PRKCB: variants seen among roughly 807,000 people sequenced by gnomAD.
PRKCB encodes protein kinase C beta, also known as protein kinase C beta type.
Under a neutral mutation model 81.5 loss-of-function variants are expected in PRKCB, and 13 were observed. That is an observed-to-expected ratio of 0.16 (90% CI 0.10 to 0.25). The LOEUF is 0.25. Among genes scored for constraint, PRKCB ranks in the 10% least tolerant of loss-of-function variants. PRKCB has a pLI of 1.00. For missense variants in PRKCB, 509 were observed against 875.7 expected, an observed-to-expected ratio of 0.58 and a Z score of 5.29; for synonymous variants, 335 against 321.4, an observed-to-expected ratio of 1.04 and a Z score of -0.45.
rs55986931 is a variant in PRKCB at position 23,950,132 on chromosome 16, A to AGTTTTTGT, written c.206-38376_206-38375insGTTTTTGT. On this transcript the variant is annotated intron_variant, in intron 2 of 16. Coordinates refer to ENST00000643927, the MANE Select transcript of PRKCB (RefSeq NM_002738.7). ...AGCAGCATTGGCCCCTATGATTTGAATTTTTTTTTTTTTTTTTTTTTTTTT... is the reference window on the plus strand; with the variant it reads ...AGCAGCATTGGCCCCTATGATTTGAAGTTTTTGTTTTTTTTTTTTTTTTTTTTTTTTTT... Among the ~76,000 whole-genome samples, 3 of 97,760 alleles carry AGTTTTTGT rather than the reference A, an allele frequency of 3.1e-5. 1 individual carries two copies. The highest frequency in any genetic ancestry group is 3.4e-4 in the South Asian group (1 of 2,930). The allele number at this position is 97,760 out of a possible 152,430, so 64.1% of individuals were successfully genotyped here.
At chr16:24,031,835 T>A (rs1431248374) in intron 3 of PRKCB, 3 of 256,970 alleles carry the variant, frequency 1.2e-5, no homozygotes, top group Non-Finnish European at 2.2e-5. Context: ...GAGTCCCTAC[T>A]ACAGGCAGGA....
intron 2 of PRKCB, among the ~76,000 whole-genome samples, chr16:23,905,370 A>C (rs1285400013): frequency 1.3e-5 from 2 of 152,194 alleles, no homozygotes; most frequent in Non-Finnish European, 2.9e-5. Flanking sequence ...TGAAGAGGAT[A>C]TCTCTCTCCT....
At chr16:24,149,326 TC>T (rs1222173398) in intron 9 of PRKCB, among the ~76,000 whole-genome samples, 1 of 152,204 alleles carries the variant, frequency 6.6e-6, no homozygotes. Context: ...AAGTATCACT[TC>T]CTTCGTGCTA....
At chr16:24,007,600 G>A (rs1365002641) in intron 3 of PRKCB, among the ~76,000 whole-genome samples, 1 of 152,208 alleles carries the variant, frequency 6.6e-6, no homozygotes, top group East Asian at 1.9e-4. Flanking sequence ...AGAGCTGCAT[G>A]CTGTGGAGGA....
At chr16:24,150,995 A>G (rs1304814848) in intron 9 of PRKCB, among the ~76,000 whole-genome samples, 2 of 152,242 alleles carry the variant, frequency 1.3e-5, no homozygotes, top group Non-Finnish European at 2.9e-5. Context: ...TACAAATGCA[A>G]TAGTATCTCC....
intron 3 of PRKCB, among the ~76,000 whole-genome samples, chr16:23,993,623 C>T (rs1308506716): frequency 6.6e-6 from 1 of 152,198 alleles, no homozygotes; most frequent in Non-Finnish European, 1.5e-5. Flanking sequence ...TCCCTCTTCT[C>T]TATAGACCAA....
intron 2 of PRKCB, among the ~76,000 whole-genome samples, chr16:23,915,860 C>T (rs1035833786): frequency 1.3e-5 from 2 of 151,790 alleles, no homozygotes; most frequent in African/African-American, 2.4e-5. Flanking sequence ...AGAAAAAACT[C>T]GATCGTTAAC....
intron 2 of PRKCB, among the ~76,000 whole-genome samples, chr16:23,987,070 T>C (rs771385848): frequency 2.0e-5 from 3 of 152,300 alleles, no homozygotes; most frequent in African/African-American, 4.8e-5. Context: ...ATTTCCCTGA[T>C]TGCCTTACAG....
rs927382867 is a variant in PRKCB, at chr16:24,010,902, T to G, written c.289-21234T>G. Among the ~76,000 whole-genome samples, 16 of 152,330 alleles carry G rather than the reference T, an allele frequency of 1.1e-4. 2 individuals carry two copies. The highest frequency in any genetic ancestry group is 5.8e-4 in the East Asian group (3 of 5,186). On this transcript the variant is annotated intron_variant, in intron 3 of 16. Coordinates refer to ENST00000643927, the MANE Select transcript of PRKCB (RefSeq NM_002738.7). The stretch of plus-strand genomic sequence containing the variant: ...TTTTCTTTTTGATACAAGGTCTCAC[T>G]GTGTTGCCTACGAGTGCAATGGTAC...
intron 2 of PRKCB, among the ~76,000 whole-genome samples, chr16:23,908,569 C>T (rs576489731): frequency 3.3e-5 from 5 of 152,108 alleles, no homozygotes; most frequent in South Asian, 4.1e-4. Flanking sequence ...CTCGCTCTGT[C>T]GCCCCAGGCT....
Position 24,094,143 on chromosome 16 carries a change from T to G in PRKCB, c.687-20T>G. 1.2e-6 allele frequency: 2 copies of G among 1,610,884 alleles called. No homozygotes were observed. Among genetic ancestry groups the G allele is most frequent in the Non-Finnish European group, 1.7e-6 (2 of 1,178,672 alleles). ...AATTACTACAACCTCCACTGATGTC[T>G]TTTCTTTTTCTCTATGCAGTCAGCT... On this transcript the variant is annotated intron_variant, in intron 6 of 16. Transcript: ENST00000643927.
At chr16:24,209,033 G>T (rs1436250138) in intron 16 of PRKCB, among the ~76,000 whole-genome samples, 1 of 152,166 alleles carries the variant, frequency 6.6e-6, no homozygotes, top group Non-Finnish European at 1.5e-5. Context: ...AGGTTGTGGA[G>T]CTGCCAGAAG....
Position 23,915,348 on chromosome 16 carries a change from T to C in PRKCB, c.206-73160T>C, listed in dbSNP as rs566471312. Among the ~76,000 whole-genome samples, 3 of 152,188 alleles carry C rather than the reference T, an allele frequency of 2.0e-5. No individual in the cohort carries two copies. In the East Asian group the frequency reaches 5.8e-4, roughly 29 times the overall value. On this transcript the variant is annotated intron_variant, in intron 2 of 16. Transcript: ENST00000643927. ...AATTCACCATGAAGTCCTGCAGCAG[T>C]GTCAGAGCCATTGCCTTGCCCCGGA... is the stretch of plus-strand genomic sequence containing the variant.
intron 5 of PRKCB, among the ~76,000 whole-genome samples, chr16:24,058,695 G>A (rs1965936570): frequency 6.6e-6 from 1 of 152,200 alleles, no homozygotes; most frequent in Non-Finnish European, 1.5e-5. Context: ...AGGGTTTCTG[G>A]TGTGTTCAGA....
chr16:24,197,525 G>A (rs1358344034), intron 16 of PRKCB, among the ~76,000 whole-genome samples: 1 of 152,096 alleles, frequency 6.6e-6, no homozygotes, highest in Admixed American at 6.5e-5. Context: ...GATCAGAGAG[G>A]CCAAAGGAAA....
intron 3 of PRKCB, among the ~76,000 whole-genome samples, chr16:23,996,519 A>G (rs949023069): frequency 1.3e-5 from 2 of 152,240 alleles, no homozygotes; most frequent in African/African-American, 2.4e-5. Context: ...CAGGTTGATT[A>G]CATTGGACCC....
chr16:24,169,358 C>T (rs149637300), intron 10 of PRKCB, among the ~76,000 whole-genome samples: 4 of 152,244 alleles, frequency 2.6e-5, no homozygotes, highest in Non-Finnish European at 4.4e-5. Context: ...ATTTGTGGAA[C>T]GTTCAGTCAC....
intron 2 of PRKCB, among the ~76,000 whole-genome samples, chr16:23,980,074 G>T (rs998001538): frequency 1.3e-5 from 2 of 152,202 alleles, no homozygotes; most frequent in Non-Finnish European, 2.9e-5. Context: ...GACAGAGCAA[G>T]ACTTTGTCTC....
intron 2 of PRKCB, among the ~76,000 whole-genome samples, chr16:23,900,361 CT>C (rs1400913818): frequency 6.6e-6 from 1 of 151,924 alleles, no homozygotes; most frequent in Non-Finnish European, 1.5e-5. Context: ...GGGATAAAAC[CT>C]TTATCTTCCT....
Sources: gnomAD v4.1 joint callset for allele counts (sites outside exome capture counted in the v4.1 genomes callset) on GRCh38, gnomAD v4.1.1 for gene constraint, MANE v1.5 for transcripts, NCBI Gene and HGNC (gene_info 2026-07-23, HGNC 2026-07-21) for gene names.